The following STK3 variants were observed in gnomAD, a reference collection of about 807,000 sequenced individuals.
STK3 encodes serine/threonine kinase 3.
STK3 carries 41 observed loss-of-function variants against 58.0 expected under a neutral mutation model. That is an observed-to-expected ratio of 0.71 (90% CI 0.55 to 0.92). The LOEUF is 0.92. Ranked by LOEUF, STK3 falls within the 40% of genes least tolerant of loss-of-function variation. The pLI is 0.00. For missense variants in STK3, 479 were observed against 602.7 expected (o/e 0.79, Z 2.15); for synonymous variants, 170 against 191.0 (o/e 0.89, Z 0.91).
chr8:98,767,102 C>T (rs1186762362), intron 3 of STK3, 141 bp downstream of exon 3: 45 of 1,031,604 alleles, frequency 4.4e-5, no homozygotes, highest in Admixed American at 6.7e-5. Context: ...GCCTGGGCAA[C>T]AACGGCAAAA....
chr8:98,698,690 C>G (rs1227133294), intron 6 of STK3, among the ~76,000 whole-genome samples: 1 of 152,156 alleles, frequency 6.6e-6, no homozygotes, highest in East Asian at 1.9e-4. Context: ...TGAATATTGG[C>G]CCCCACTGTC....
At chr8:98,694,595 G>C (rs949506025) in intron 6 of STK3, among the ~76,000 whole-genome samples, 1 of 152,094 alleles carries the variant, frequency 6.6e-6, no homozygotes, top group African/African-American at 2.4e-5. Flanking sequence ...GTGAGAACAT[G>C]TGGTGTTTGG....
At chr8:98,700,860 G>A (rs889234233) in intron 6 of STK3, among the ~76,000 whole-genome samples, 1 of 152,014 alleles carries the variant, frequency 6.6e-6, no homozygotes, top group Non-Finnish European at 1.5e-5. Context: ...AAACACAAAG[G>A]GTTTTTACAG....
At chr8:98,521,889 T>A (rs1825391211) in intron 10 of STK3, among the ~76,000 whole-genome samples, 1 of 152,174 alleles carries the variant, frequency 6.6e-6, no homozygotes, top group Admixed American at 6.5e-5. Context: ...CTTCATCAAA[T>A]CTCCCTCTTA....
chr8:98,575,752 A>G (rs1001622714), intron 8 of STK3, among the ~76,000 whole-genome samples: 2 of 151,810 alleles, frequency 1.3e-5, no homozygotes, highest in African/African-American at 4.8e-5. Context: ...TATTACAGGC[A>G]TGAGCCACCG....
intron 6 of STK3, among the ~76,000 whole-genome samples, chr8:98,617,949 C>G (rs1194865901): frequency 6.6e-6 from 1 of 152,156 alleles, no homozygotes; most frequent in African/African-American, 2.4e-5. Context: ...GGGAATCCTC[C>G]CTAACTCATT....
intron 6 of STK3, among the ~76,000 whole-genome samples, chr8:98,703,268 G>C (rs1825742665): frequency 6.6e-6 from 1 of 152,054 alleles, no homozygotes; most frequent in Non-Finnish European, 1.5e-5. Flanking sequence ...CAAAAACACA[G>C]AACAAACTGA....
chr8:98,912,188 G>T (rs755790353), intron 1 of STK3, among the ~76,000 whole-genome samples: 4 of 152,170 alleles, frequency 2.6e-5, no homozygotes, highest in Non-Finnish European at 5.9e-5. Context: ...AGATGAGCCT[G>T]ATCAACATGG....
At chr8:98,411,482 G>C (rs1818056822) in intron 3 of STK3, among the ~76,000 whole-genome samples, 1 of 152,166 alleles carries the variant, frequency 6.6e-6, no homozygotes, top group Non-Finnish European at 1.5e-5. Context: ...ATAGAGTGTG[G>C]AGCCTTGGGG....
intron 7 of STK3, among the ~76,000 whole-genome samples, chr8:98,582,552 G>A (rs1814011726): frequency 1.3e-5 from 2 of 151,656 alleles, no homozygotes; most frequent in South Asian, 4.2e-4. Context: ...TGTTTCTGTG[G>A]TGAAGATCTA....
At chr8:98,597,881 A>C in intron 6 of STK3, 4 of 985,380 alleles carry the variant, frequency 4.1e-6, no homozygotes, top group Non-Finnish European at 4.8e-6. Flanking sequence ...AGACAATGAA[A>C]TTCTGCCTGC....
chr8:98,436,092 C>T (rs951641886), intron 2 of STK3, among the ~76,000 whole-genome samples: 3 of 152,132 alleles, frequency 2.0e-5, no homozygotes, highest in Non-Finnish European at 4.4e-5. Flanking sequence ...TCCTCAAGCT[C>T]CCCCGAATTC....
At chr8:98,372,049 C>T (rs1014057228) in intron 2 of STK3, among the ~76,000 whole-genome samples, 5 of 152,122 alleles carry the variant, frequency 3.3e-5, no homozygotes, top group South Asian at 2.1e-4. Context: ...TGGACACAGA[C>T]ACCCACACAG....
At position 98,772,967 on chromosome 8, in the gene STK3, T is replaced by C. The variant is rs907413101; in HGVS notation, c.107+1772A>G. 1.3e-5 allele frequency among the ~76,000 whole-genome samples: 2 copies of C among 152,154 alleles called. 1 individual carries two copies. The highest frequency in any genetic ancestry group is 4.1e-4 in the South Asian group (2 of 4,820). ...AGAACAGCTTAATACAATCAGAAAA[T>C]GTGACCTGTAAAAATCTCTTATTTT... On this transcript the variant is annotated intron_variant, in intron 2 of 10. Coordinates refer to ENST00000419617, the MANE Select transcript of STK3 (RefSeq NM_006281.4).
chr8:98,467,950 A>C (rs1178465474), intron 10 of STK3, among the ~76,000 whole-genome samples: 1 of 152,260 alleles, frequency 6.6e-6, no homozygotes, highest in East Asian at 1.9e-4. Flanking sequence ...ATAAAAATGT[A>C]AATATTTGTT....
intron 6 of STK3, among the ~76,000 whole-genome samples, chr8:98,623,580 T>C (rs1818490974): frequency 6.6e-6 from 1 of 152,132 alleles, no homozygotes; most frequent in East Asian, 1.9e-4. Context: ...GCCCAGGAGT[T>C]TGAGAACAGC....
intron 3 of STK3, among the ~76,000 whole-genome samples, chr8:98,857,812 T>C (rs1836736693): frequency 6.6e-6 from 1 of 151,680 alleles, no homozygotes; most frequent in South Asian, 2.1e-4. Context: ...AAGAAGAAAA[T>C]AAAAATGTAA....
the STK3 span, among the ~76,000 whole-genome samples, chr8:98,352,276 A>G: frequency 6.6e-6 from 1 of 152,222 alleles, no homozygotes; most frequent in Admixed American, 6.5e-5. Flanking sequence ...GTCATTACAC[A>G]TGTTTAAATC....
rs553272571 is a variant in STK3, at chr8:98,586,068, T to C, written c.823-6279A>G. On this transcript the variant is annotated intron_variant, in intron 7 of 10. Coordinates refer to ENST00000419617, the MANE Select transcript of STK3 (RefSeq NM_006281.4). ...CAGGGACAATTTGACTTCCTCTTTT[T>C]CTAATTGAATACCCTTGATTTACTT... Among the ~76,000 whole-genome samples the C allele has an allele frequency of 7.8e-3, 1,181 of 151,822 alleles. 12 individuals carry two copies. Among genetic ancestry groups the C allele is most frequent in the African/African-American group, 0.027 (1,109 of 41,152 alleles).
Sources: gnomAD v4.1 joint callset for allele counts (sites outside exome capture counted in the v4.1 genomes callset) on GRCh38, gnomAD v4.1.1 for gene constraint, MANE v1.5 for transcripts, NCBI Gene and HGNC (gene_info 2026-07-23, HGNC 2026-07-21) for gene names.